The following CDK5RAP1 variants were observed in gnomAD, a reference collection of about 807,000 sequenced individuals.
CDK5RAP1 encodes mitochondrial tRNA methylthiotransferase CDK5RAP1.
CDK5RAP1 carries 62 observed loss-of-function variants against 64.5 expected under a neutral mutation model. The observed-to-expected ratio is 0.96, with a 90% CI of 0.78 to 1.19. The LOEUF is 1.19. Among genes scored for constraint, CDK5RAP1 ranks in the 50% most tolerant of loss-of-function variants. The pLI is 0.00. For synonymous variants in CDK5RAP1, 250 were observed against 261.9 expected, an observed-to-expected ratio of 0.95 and a Z score of 0.44; for missense variants, 657 against 735.0, an observed-to-expected ratio of 0.89 and a Z score of 1.23.
At chr20:33,365,602 A>T (rs1373296706) in intron 12 of CDK5RAP1, among the ~76,000 whole-genome samples, 7 of 145,954 alleles carry the variant, frequency 4.8e-5, no homozygotes, top group African/African-American at 1.8e-4. Context: ...TAATGTAAAA[A>T]AAAAAAAAAA....
chr20:33,366,224 CAGG>C (rs1172847467), intron 12 of CDK5RAP1, among the ~76,000 whole-genome samples: 1 of 147,468 alleles, frequency 6.8e-6, no homozygotes, highest in Non-Finnish European at 1.5e-5. Context: ...GAGGCTGAGG[CAGG>C]AGAATTGCTT....
chr20:33,364,190 T>TCC (rs2146583434), intron 12 of CDK5RAP1, among the ~76,000 whole-genome samples: 1 of 54,062 alleles, frequency 1.8e-5, no homozygotes, highest in East Asian at 3.0e-4. Flanking sequence ...AGAAATAGCT[T>TCC]TTTTTTTTTT....
rs1984055614 is a variant in CDK5RAP1, at chr20:33,366,848, T to C, written c.1542+11A>G. 1 of 1,607,048 alleles carries C rather than the reference T, an allele frequency of 6.2e-7. No homozygotes were observed. The highest frequency in any genetic ancestry group is 8.5e-7 in the Non-Finnish European group (1 of 1,177,600). On this transcript the variant is annotated intron_variant, in intron 12 of 13. Coordinates refer to ENST00000346416, the MANE Select transcript of CDK5RAP1 (RefSeq NM_016408.4). ...TAAAAAACAACATAACACACACACATATGGCCTCACCCCTTCCACTAGCAC... is the reference window on the plus strand; with the variant it reads ...TAAAAAACAACATAACACACACACACATGGCCTCACCCCTTCCACTAGCAC...
intron 7 of CDK5RAP1, 163 bp downstream of exon 7, chr20:33,385,486 AT>A: frequency 1.4e-6 from 1 of 690,394 alleles, no homozygotes; most frequent in Non-Finnish European, 2.4e-6. Flanking sequence ...GAGCTCTGTA[AT>A]TTGTGGGCAA....
At chr20:33,400,162 A>C (rs1313460244) in intron 1 of CDK5RAP1, among the ~76,000 whole-genome samples, 1 of 152,286 alleles carries the variant, frequency 6.6e-6, no homozygotes, top group Non-Finnish European at 1.5e-5. Context: ...GGCAGAGCTC[A>C]GGCAGTAATG....
At chr20:33,395,806 A>G (rs758391058) in intron 2 of CDK5RAP1, among the ~76,000 whole-genome samples, 1 of 152,232 alleles carries the variant, frequency 6.6e-6, no homozygotes, top group Non-Finnish European at 1.5e-5. Context: ...TGAGGTCAGG[A>G]GTTCGAGACC....
At position 33,389,795 on chromosome 20, in the gene CDK5RAP1, T is replaced by A. The variant is rs183730244; in HGVS notation, c.545-2262A>T. Among the ~76,000 whole-genome samples the A allele has an allele frequency of 1.3e-4, 20 of 152,246 alleles. No individual in the cohort carries two copies. The East Asian group carries it at 3.7e-3, about 28-fold the overall frequency. ...GAAATGTGGGGAAAAGATAGAGAAA[T>A]CAGATTGTTGCTGTGTCTGTGTAGA... On this transcript the variant is annotated intron_variant, in intron 5 of 13. Coordinates refer to ENST00000346416, the MANE Select transcript of CDK5RAP1 (RefSeq NM_016408.4).
chr20:33,367,021 A>G lies in CDK5RAP1; in HGVS notation c.1393-13T>C. On this transcript the variant is annotated splice_polypyrimidine_tract_variant and intron_variant, in intron 11 of 13. Transcript: ENST00000346416. Reference sequence around the variant, plus strand: ...ATGCCCGTGTCTTCTATTAAAAAAAAAAAAAAGAGAGAAGATGGAGGTCAC... The same window carrying G: ...ATGCCCGTGTCTTCTATTAAAAAAAGAAAAAAGAGAGAAGATGGAGGTCAC... 1 of 1,597,556 alleles carries G rather than the reference A, an allele frequency of 6.3e-7. No homozygotes were observed. The highest frequency in any genetic ancestry group is 8.5e-7 in the Non-Finnish European group (1 of 1,175,926).
intron 11 of CDK5RAP1, among the ~76,000 whole-genome samples, chr20:33,368,359 C>G (rs1353908823): frequency 6.6e-6 from 1 of 151,082 alleles, no homozygotes; most frequent in Non-Finnish European, 1.5e-5. Context: ...GTGGCACAAT[C>G]TTGGATCACC....
chr20:33,359,424 C>T, intron 13 of CDK5RAP1: 1 of 323,314 alleles, frequency 3.1e-6, no homozygotes, highest in Non-Finnish European at 5.8e-6. Flanking sequence ...ATCACAGGCC[C>T]TGCCCTCCTA....
Position 33,396,804 on chromosome 20 carries a change from A to G in CDK5RAP1, c.261T>C (p.Pro87=). The G allele has an allele frequency of 6.2e-7, 1 of 1,614,106 alleles. No individual in the cohort carries two copies. The highest frequency in any genetic ancestry group is 8.5e-7 in the Non-Finnish European group (1 of 1,180,024). Residue 87 remains proline (P), a synonymous_variant, in exon 2 of 14, where the codon CCT becomes CCC. Coordinates refer to ENST00000346416, the MANE Select transcript of CDK5RAP1 (RefSeq NM_016408.4). ...EKLSSEVEDP[P]PYLMMDELLG... is the part of the protein sequence containing the mutation. ...GAAGTTCATCCATCATGAGATAGGGAGGTGGGTCTTCCACTTCTGAAGACA... is the reference window on the plus strand; with the variant it reads ...GAAGTTCATCCATCATGAGATAGGGGGGTGGGTCTTCCACTTCTGAAGACA...
intron 3 of CDK5RAP1, 98 bp from the exon 4 acceptor site, chr20:33,394,164 CT>C (rs372212431): frequency 0.12 from 76,403 of 632,860 alleles, no homozygotes; most frequent in South Asian, 0.18. Flanking sequence ...TTTTTTTTTC[CT>C]TTTTTTTTTT....
intron 8 of CDK5RAP1, among the ~76,000 whole-genome samples, chr20:33,376,797 G>GA (rs1203945652): frequency 6.6e-6 from 1 of 152,066 alleles, no homozygotes; most frequent in African/African-American, 2.4e-5. Context: ...AAACATTCCG[G>GA]AAAGAATTCA....
chr20:33,399,824 G>T (rs1207743032), intron 1 of CDK5RAP1, among the ~76,000 whole-genome samples: 2 of 152,118 alleles, frequency 1.3e-5, no homozygotes, highest in Non-Finnish European at 2.9e-5. Flanking sequence ...TCAGGAGTTC[G>T]AGACCAGCCT....
intron 3 of CDK5RAP1, among the ~76,000 whole-genome samples, chr20:33,394,406 T>A (rs180944585): frequency 1.3e-5 from 2 of 151,468 alleles, no homozygotes; most frequent in East Asian, 3.9e-4. Context: ...CCTGCCTTGG[T>A]CTCCCAAAAT....
chr20:33,376,562 T>C (rs1369768215), intron 8 of CDK5RAP1, among the ~76,000 whole-genome samples: 1 of 152,144 alleles, frequency 6.6e-6, no homozygotes, highest in Non-Finnish European at 1.5e-5. Flanking sequence ...ATCCCAGAGC[T>C]CTGAAAGAGA....
intron 7 of CDK5RAP1, among the ~76,000 whole-genome samples, chr20:33,380,248 G>C (rs1339517777): frequency 2.0e-5 from 3 of 152,122 alleles, no homozygotes; most frequent in African/African-American, 7.2e-5. Flanking sequence ...TTCTTCTTGA[G>C]ACAGGGTCTC....
intron 11 of CDK5RAP1, among the ~76,000 whole-genome samples, chr20:33,368,976 T>TA (rs1401356325): frequency 1.4e-5 from 2 of 145,160 alleles, no homozygotes; most frequent in East Asian, 4.2e-4. Context: ...CTGTCTCTAC[T>TA]AAAAAATACA....
In CDK5RAP1 at chr20:33,370,553, C is replaced by CA. The variant is rs765412202; in HGVS notation, c.1337dup (p.Leu446PhefsTer26). 4.3e-6 allele frequency: 7 copies of CA among 1,614,140 alleles called. No homozygotes were observed. The highest frequency in any genetic ancestry group is 5.9e-6 in the Non-Finnish European group (7 of 1,180,016). On this transcript the variant is annotated frameshift_variant, in exon 11 of 14. Transcript: ENST00000346416. LOFTEE classifies it high-confidence loss of function. Reference sequence around the variant, plus strand: ...CCATGTTGTACTGAACTTCCCGGAGCAAAGAGACTGTCTGGACGTGATCTT... The same window carrying CA: ...CCATGTTGTACTGAACTTCCCGGAGCAAAAGAGACTGTCTGGACGTGATCTT...
Sources: gnomAD v4.1 joint callset for allele counts (sites outside exome capture counted in the v4.1 genomes callset) on GRCh38, gnomAD v4.1.1 for gene constraint, MANE v1.5 for transcripts, NCBI Gene and HGNC (gene_info 2026-07-23, HGNC 2026-07-21) for gene names.